GABPB2: variants seen among roughly 807,000 people sequenced by gnomAD.
GABPB2 encodes the protein GA binding protein transcription factor subunit beta 2.
A neutral mutation model predicts 39.1 loss-of-function variants in GABPB2; 23 were observed. That is an observed-to-expected ratio of 0.59 (90% CI 0.42 to 0.83). The LOEUF is 0.83. GABPB2 is among the 40% of genes least tolerant of loss of function. The pLI, the probability that GABPB2 is intolerant of heterozygous loss-of-function variation, is 0.00. For missense variants in GABPB2, 467 were observed against 541.1 expected (o/e 0.86, Z 1.36); for synonymous variants, 184 against 199.3 (o/e 0.92, Z 0.65).
At chr1:151,078,640 T>TTTTG (rs1036666627) in intron 1 of GABPB2, among the ~76,000 whole-genome samples, 5 of 152,022 alleles carry the variant, frequency 3.3e-5, no homozygotes, top group East Asian at 3.9e-4. Context: ...CTTTTTTTGT[T>TTTTG]TTTGTTTGTT....
At chr1:151,112,206 A>G (rs1278838176) in intron 7 of GABPB2, 1 of 106,538 alleles carries the variant, frequency 9.4e-6, no homozygotes, top group Non-Finnish European at 1.8e-5. Flanking sequence ...CCTGGGCGAC[A>G]GAGCGAGACT....
chr1:151,071,453 C>CTTT (rs71090124), intron 1 of GABPB2, among the ~76,000 whole-genome samples: 1 of 100,504 alleles, frequency 9.9e-6, no homozygotes. Context: ...CTTTTTTGCT[C>CTTT]TTTTTTTTTT....
Position 151,119,099 on chromosome 1 carries a change from C to G in GABPB2, c.*843C>G, listed in dbSNP as rs1681080166. ...GTTGAAATGGGAGAATTGCTTGAGT[C>G]CAGGAGTTTGAGATGCGCCTGGGCA... On this transcript the variant is annotated 3_prime_UTR_variant, in exon 9 of 9. Coordinates refer to ENST00000368918, the MANE Select transcript of GABPB2 (RefSeq NM_144618.3). The G allele has an allele frequency of 6.6e-6, 1 of 151,652 alleles. No homozygotes were observed. Among genetic ancestry groups the G allele is most frequent in the South Asian group, 2.1e-4 (1 of 4,816 alleles). 9.4% of individuals were successfully genotyped at this position (151,652 alleles called of 1,614,324 possible).
In GABPB2 at chr1:151,098,020, T is replaced by C. The variant is rs777468273; in HGVS notation, c.622+18T>C. ...AACCTCAGGTAATGTTCTGATAACATGAAATTTATTTTAGACTCAAAAAAG... is the reference window on the plus strand; with the variant it reads ...AACCTCAGGTAATGTTCTGATAACACGAAATTTATTTTAGACTCAAAAAAG... On this transcript the variant is annotated intron_variant, in intron 5 of 8. Coordinates refer to ENST00000368918, the MANE Select transcript of GABPB2 (RefSeq NM_144618.3). 29 of 1,610,986 alleles carry C rather than the reference T, an allele frequency of 1.8e-5. No individual in the cohort carries two copies. In the Admixed American group the frequency reaches 4.4e-4, roughly 24 times the overall value.
intron 5 of GABPB2, among the ~76,000 whole-genome samples, chr1:151,099,752 A>G (rs964724732): frequency 1.3e-5 from 2 of 152,202 alleles, no homozygotes; most frequent in African/African-American, 4.8e-5. Context: ...ATTGTGCTCA[A>G]ATAATTATTG....
At chr1:151,113,344 C>G (rs1200742376) in intron 7 of GABPB2, among the ~76,000 whole-genome samples, 1 of 151,880 alleles carries the variant, frequency 6.6e-6, no homozygotes, top group African/African-American at 2.4e-5. Flanking sequence ...TGGCGTGCAC[C>G]TGTAGTCCCT....
At position 151,091,045 on chromosome 1, in the gene GABPB2, C is replaced by A. The variant is rs587637497; in HGVS notation, c.276+472C>A. 2.7e-5 allele frequency among the ~76,000 whole-genome samples: 4 copies of A among 147,846 alleles called. No individual in the cohort carries two copies. In the South Asian group the frequency reaches 8.7e-4, roughly 32 times the overall value. On this transcript the variant is annotated intron_variant, in intron 3 of 8. Coordinates refer to ENST00000368918, the MANE Select transcript of GABPB2 (RefSeq NM_144618.3). ...AAAAACAAAAAAACAAAAAAAAAAA[C>A]CTTCATGGCTATGAGGAGTCTGTTT...
chr1:151,101,569 C>T (rs1183412590), intron 5 of GABPB2, among the ~76,000 whole-genome samples: 2 of 150,508 alleles, frequency 1.3e-5, no homozygotes, highest in Non-Finnish European at 3.0e-5. Flanking sequence ...AGCAAAACTC[C>T]GTCTCAAAAA....
chr1:151,094,634 C>A (rs1678972417), intron 4 of GABPB2, among the ~76,000 whole-genome samples: 1 of 148,510 alleles, frequency 6.7e-6, no homozygotes, highest in Admixed American at 6.7e-5. Context: ...CAGGCGTGAG[C>A]CACTGCGCCT....
chr1:151,101,341 G>A (rs1314945346), intron 5 of GABPB2, among the ~76,000 whole-genome samples: 6 of 152,110 alleles, frequency 3.9e-5, no homozygotes, highest in African/African-American at 1.2e-4. Context: ...TTGGGAGGCC[G>A]AGGTGGGCAG....
At position 151,123,253 on chromosome 1, in the gene GABPB2, C is replaced by T. The variant is rs189132009; in HGVS notation, c.*4997C>T. The stretch of plus-strand genomic sequence containing the variant: ...GGTAGATCACTTGAGGTGAGGAGTT[C>T]GAGACCAGCCTGGCCGACATGGCAA... On this transcript the variant is annotated 3_prime_UTR_variant, in exon 9 of 9. Transcript: ENST00000368918. 7.0e-4 allele frequency: 106 copies of T among 151,184 alleles called. 1 individual carries two copies. Among genetic ancestry groups the T allele is most frequent in the Non-Finnish European group, 1.2e-3 (78 of 67,760 alleles). 9.4% of individuals were successfully genotyped at this position (151,184 alleles called of 1,614,324 possible). A position where few individuals can be genotyped will look rare whatever the true frequency, so the allele number is the denominator to read the frequency against.
At chr1:151,116,498 GAA>G (rs1680884407) in intron 7 of GABPB2, among the ~76,000 whole-genome samples, 1 of 151,934 alleles carries the variant, frequency 6.6e-6, no homozygotes, top group African/African-American at 2.4e-5. Flanking sequence ...TTATCTATGA[GAA>G]GAGAATTAAT....
In GABPB2 at chr1:151,122,575, G is replaced by A. The variant is rs757618763; in HGVS notation, c.*4319G>A. On this transcript the variant is annotated 3_prime_UTR_variant, in exon 9 of 9. Coordinates refer to ENST00000368918, the MANE Select transcript of GABPB2 (RefSeq NM_144618.3). ...CCACACCTCGCCCATTAAGGGGAAG[G>A]AGGTTAACTCTGCAGATGATATTCA... The A allele has an allele frequency of 2.6e-5, 4 of 152,004 alleles. No homozygotes were observed. The highest frequency in any genetic ancestry group is 4.4e-5 in the Non-Finnish European group (3 of 67,996). 9.4% of individuals were successfully genotyped at this position (152,004 alleles called of 1,614,324 possible). A position where few individuals can be genotyped will look rare whatever the true frequency, so the allele number is the denominator to read the frequency against.
At chr1:151,096,406 C>T (rs1242597855) in intron 4 of GABPB2, among the ~76,000 whole-genome samples, 1 of 151,916 alleles carries the variant, frequency 6.6e-6, no homozygotes. Context: ...CAGAGTGGGA[C>T]TCCGTCTCAA....
intron 4 of GABPB2, among the ~76,000 whole-genome samples, chr1:151,096,451 A>G (rs1382937444): frequency 6.6e-6 from 1 of 151,886 alleles, no homozygotes. Flanking sequence ...AGACAGAGAA[A>G]GCAAGCAAGC....
At chr1:151,086,296 T>A (rs922719669) in intron 1 of GABPB2, among the ~76,000 whole-genome samples, 1 of 152,148 alleles carries the variant, frequency 6.6e-6, no homozygotes, top group Non-Finnish European at 1.5e-5. Context: ...ACACATAAAT[T>A]ATAAACACAT....
intron 7 of GABPB2, among the ~76,000 whole-genome samples, chr1:151,109,208 G>A (rs981636044): frequency 5.3e-5 from 8 of 150,942 alleles, no homozygotes; most frequent in African/African-American, 1.9e-4. Flanking sequence ...AAATAAAAAT[G>A]TATATTGGAG....
At chr1:151,071,428 C>G (rs587653622) in intron 1 of GABPB2, among the ~76,000 whole-genome samples, 1 of 150,552 alleles carries the variant, frequency 6.6e-6, no homozygotes, top group African/African-American at 2.4e-5. Flanking sequence ...GAGAGCAGTA[C>G]GGGCCCCGCC....
intron 1 of GABPB2, among the ~76,000 whole-genome samples, 153 bp downstream of exon 1, chr1:151,071,087 AGG>A (rs1169744245): frequency 2.2e-5 from 3 of 137,390 alleles, no homozygotes; most frequent in Non-Finnish European, 4.7e-5. Context: ...CAGCGGCGGG[AGG>A]GGGACGGGGA....
Sources: gnomAD v4.1 joint callset for allele counts (sites outside exome capture counted in the v4.1 genomes callset) on GRCh38, gnomAD v4.1.1 for gene constraint, MANE v1.5 for transcripts, NCBI Gene and HGNC (gene_info 2026-07-23, HGNC 2026-07-21) for gene names.